LTK: variants seen among roughly 807,000 people sequenced by gnomAD.
LTK encodes the protein leukocyte receptor tyrosine kinase, also known as leukocyte tyrosine kinase receptor.
In LTK, 117 loss-of-function variants were observed where a neutral mutation model predicts 101.5. The observed-to-expected ratio is 1.15, with a 90% CI of 0.99 to 1.34. The LOEUF is 1.34. Ranked by LOEUF, LTK falls within the 40% of genes most tolerant of loss-of-function variation. LTK has a pLI of 0.00. For missense variants in LTK, 1,252 were observed against 1,164.7 expected (o/e 1.07, Z -1.09); for synonymous variants, 563 against 494.2 (o/e 1.14, Z -1.85).
chr15:41,505,323 G>A lies in LTK; in HGVS notation c.1828-18C>T, dbSNP rs778748270. 1.2e-6 allele frequency: 2 copies of A among 1,613,684 alleles called. No individual in the cohort carries two copies. The highest frequency in any genetic ancestry group is 1.7e-6 in the Non-Finnish European group (2 of 1,179,730). ...GGCTGGCCCTGGGTCAGGCAGAGGG[G>A]GCATCAGTCCATGTAGGTCTCAGAC... On this transcript the variant is annotated intron_variant, in intron 14 of 19. Coordinates refer to ENST00000263800, the MANE Select transcript of LTK (RefSeq NM_002344.6).
chr15:41,504,355 T>C lies in LTK; in HGVS notation c.2333A>G (p.Gln778Arg), dbSNP rs1413345009. Residue 778 changes from glutamine to arginine, a missense_variant, in exon 19 of 20, where the codon CAG (glutamine) becomes CGG (arginine). Transcript: ENST00000263800. Reference protein sequence around the residue: ...PSFASILERLQYCTQDPDVLN... With the variant: ...PSFASILERLRYCTQDPDVLN... ...TCGGGGGCACACCTGAGTGCAGTAC[T>C]GCAGACGCTCCAAGATGCTGGCAAA... 1.4e-5 allele frequency: 22 copies of C among 1,614,006 alleles called. No individual in the cohort carries two copies. In the Admixed American group the frequency reaches 2.8e-4, roughly 21 times the overall value.
Position 41,511,974 on chromosome 15 carries a change from CG to C in LTK, c.511-12del. 3 of 1,465,916 alleles carry C rather than the reference CG, an allele frequency of 2.0e-6. No individual in the cohort carries two copies. The highest frequency in any genetic ancestry group is 2.7e-6 in the Non-Finnish European group (3 of 1,118,886). The allele number at this position is 1,465,916 out of a possible 1,614,324, so 90.8% of individuals were successfully genotyped here. A position where few individuals can be genotyped will look rare whatever the true frequency, so the allele number is the denominator to read the frequency against. On this transcript the variant is annotated splice_polypyrimidine_tract_variant and intron_variant, in intron 4 of 19. Coordinates refer to ENST00000263800, the MANE Select transcript of LTK (RefSeq NM_002344.6). This position sits in a 1 kb window ranked among gnomAD's most constrained non-coding sequence, Gnocchi z 5.9. ...GCTCTCCGGGCTACCCTGCGGGCAGCGGGGGAGGGAATCGGCGGGGCCCGGG... is the reference window on the plus strand; with the variant it reads ...GCTCTCCGGGCTACCCTGCGGGCAGCGGGGAGGGAATCGGCGGGGCCCGGG...
At chr15:41,512,515 C>T (rs1308113041) in intron 3 of LTK, among the ~76,000 whole-genome samples, 192 bp downstream of exon 3, 1 of 152,186 alleles carries the variant, frequency 6.6e-6, no homozygotes. Context: ...TGGGGGCCTT[C>T]CGCTCGGTGT....
rs1413570994 is a variant in LTK at position 41,507,180 on chromosome 15, A to C, written c.1456T>G (p.Cys486Gly). The part of the protein sequence containing the change: ...AIRTAPNPYY[C>G]QVGLGPAQSW... Reference sequence around the variant, plus strand: ...TGGGCCGGGCCAAGCCCCACCTGGCAATAATAGGGATTGGGGGCTGTCCTG... The same window carrying C: ...TGGGCCGGGCCAAGCCCCACCTGGCCATAATAGGGATTGGGGGCTGTCCTG... Residue 486 changes from cysteine (C) to glycine (G), a missense_variant, in exon 11 of 20, where the codon TGC becomes GGC. Coordinates refer to ENST00000263800, the MANE Select transcript of LTK (RefSeq NM_002344.6). 2 of 1,613,668 alleles carry C rather than the reference A, an allele frequency of 1.2e-6. No individual in the cohort carries two copies. The highest frequency in any genetic ancestry group is 1.1e-5 in the South Asian group (1 of 91,058).
chr15:41,513,222 C>A, intron 1 of LTK, 102 bp from the exon 2 acceptor site: 1 of 1,370,728 alleles, frequency 7.3e-7, no homozygotes. Context: ...GTCGCGGCCA[C>A]ACCCGTCACC....
At chr15:41,505,663 C>T in intron 13 of LTK, 50 bp downstream of exon 13, 2 of 1,610,058 alleles carry the variant, frequency 1.2e-6, no homozygotes, top group African/African-American at 1.3e-5. Flanking sequence ...GAAACTGTTC[C>T]CGGGCATTCC....
intron 7 of LTK, among the ~76,000 whole-genome samples, chr15:41,509,952 C>T (rs1413445118): frequency 6.6e-6 from 1 of 152,158 alleles, no homozygotes; most frequent in Non-Finnish European, 1.5e-5. Flanking sequence ...ATATACACCA[C>T]CTCACATGCT....
Position 41,512,206 on chromosome 15 carries a change from T to TG in LTK, c.418dup (p.His140ProfsTer33). ...GAAGATTGCTGAGACGAAGACGCCA[T>TG]GCGCCCGCGACAGGTGGTTCTTGGC... On this transcript the variant is annotated frameshift_variant, in exon 4 of 20. Coordinates refer to ENST00000263800, the MANE Select transcript of LTK (RefSeq NM_002344.6). LOFTEE classifies it high-confidence loss of function. 2 of 1,612,858 alleles carry TG rather than the reference T, an allele frequency of 1.2e-6. No individual in the cohort carries two copies. Among genetic ancestry groups the TG allele is most frequent in the Non-Finnish European group, 1.7e-6 (2 of 1,179,796 alleles).
intron 1 of LTK, 72 bp from the exon 2 acceptor site, chr15:41,513,192 C>T: frequency 6.7e-7 from 1 of 1,488,488 alleles, no homozygotes; most frequent in Admixed American, 2.6e-5. Flanking sequence ...AGAGAGAACC[C>T]CGCAACAGCT....
chr15:41,507,146 G>A lies in LTK; in HGVS notation c.1490C>T (p.Pro497Leu). ...QVGLGPAQSW[P>L]LPPGVTEVSP... ...AACCTCGGTGACACCTGGTGGCAGAGGCCAGGACTGGGCCGGGCCAAGCCC... is the reference window on the plus strand; with the variant it reads ...AACCTCGGTGACACCTGGTGGCAGAAGCCAGGACTGGGCCGGGCCAAGCCC... The change falls in exon 11 of 20, where the codon CCT becomes CTT. Residue 497 changes from proline to leucine, a missense_variant. Transcript: ENST00000263800. 1 of 1,613,692 alleles carries A rather than the reference G, an allele frequency of 6.2e-7. No individual in the cohort carries two copies.
At chr15:41,510,973 C>A (rs2140726807) in intron 7 of LTK, among the ~76,000 whole-genome samples, 191 bp downstream of exon 7, 1 of 152,328 alleles carries the variant, frequency 6.6e-6, no homozygotes, top group Non-Finnish European at 1.5e-5. Context: ...TCTAGGGAGT[C>A]CTGTCTGCAT....
Position 41,511,291 on chromosome 15 carries a change from C to T in LTK, c.870G>A (p.Leu290=), listed in dbSNP as rs2051450412. The T allele has an allele frequency of 7.2e-6, 10 of 1,396,322 alleles. No homozygotes were observed. The highest frequency in any genetic ancestry group is 9.2e-6 in the Non-Finnish European group (10 of 1,082,048). 86.5% of individuals were successfully genotyped at this position (1,396,322 alleles called of 1,614,324 possible). A position where few individuals can be genotyped will look rare whatever the true frequency, so the allele number is the denominator to read the frequency against. The change falls in exon 7 of 20, where the codon CTG becomes CTA. Residue 290 remains leucine, a synonymous_variant. Coordinates refer to ENST00000263800, the MANE Select transcript of LTK (RefSeq NM_002344.6). The surrounding 1 kb of genome is among the most constrained non-coding windows in gnomAD (Gnocchi z 5.9). The part of the protein sequence containing the change: ...RAPSPQAGRS[L]QEGAEGGQGC... ...CCTGGCCGCCCTCCGCCCCCTCCTG[C>T]AGTGAGCGGCCGGCCTGCGGAGAGG...
intron 7 of LTK, among the ~76,000 whole-genome samples, chr15:41,509,395 G>C (rs1382537863): frequency 6.6e-6 from 1 of 152,134 alleles, no homozygotes; most frequent in East Asian, 1.9e-4. Flanking sequence ...TGAGAATGTA[G>C]ATCATGTGTG....
Position 41,511,257 on chromosome 15 carries a change from C to G in LTK, c.904G>C (p.Glu302Gln). The part of the protein sequence containing the change: ...EGAEGGQGCS[E>Q]AWATLGWAAA... ...GCCCAGCCAAGGGTCGCCCAAGCCT[C>G]GGAGCAGCCCTGGCCGCCCTCCGCC... is the stretch of plus-strand genomic sequence containing the variant. Residue 302 changes from glutamate (E) to glutamine (Q), a missense_variant, in exon 7 of 20, where the codon GAG (glutamate) becomes CAG (glutamine). Physicochemically the swap from Glu to Gln is conservative, Grantham distance 29 (BLOSUM62 2). Coordinates refer to ENST00000263800, the MANE Select transcript of LTK (RefSeq NM_002344.6). The surrounding 1 kb of genome is among the most constrained non-coding windows in gnomAD (Gnocchi z 5.9). 1 of 1,423,240 alleles carries G rather than the reference C, an allele frequency of 7.0e-7. No homozygotes were observed. Among genetic ancestry groups the G allele is most frequent in the Non-Finnish European group, 9.2e-7 (1 of 1,092,472 alleles). The allele number at this position is 1,423,240 out of a possible 1,614,324, so 88.2% of individuals were successfully genotyped here. A position where few individuals can be genotyped will look rare whatever the true frequency, so the allele number is the denominator to read the frequency against.
At chr15:41,504,939 A>T in intron 16 of LTK, 33 bp downstream of exon 16, 1 of 1,599,494 alleles carries the variant, frequency 6.3e-7, no homozygotes, top group South Asian at 1.1e-5. Flanking sequence ...ACCCCCTTGG[A>T]GCAAGAGCCT....
intron 13 of LTK, 58 bp downstream of exon 13, chr15:41,505,655 A>G: frequency 6.2e-7 from 1 of 1,609,570 alleles, no homozygotes; most frequent in Non-Finnish European, 8.5e-7. Flanking sequence ...GGTGAAGAGA[A>G]ACTGTTCCCG....
intron 1 of LTK, 150 bp from the exon 2 acceptor site, chr15:41,513,270 G>A: frequency 2.0e-6 from 2 of 981,048 alleles, no homozygotes; most frequent in South Asian, 3.3e-5. Flanking sequence ...GCCACTACCC[G>A]ACTCCGGTCG....
Position 41,513,676 on chromosome 15 carries a change from C to T in LTK, c.34G>A (p.Gly12Arg), listed in dbSNP as rs755663662. The change falls in exon 1 of 20, where the codon GGA becomes AGA. Residue 12 changes from glycine (G) to arginine (R), a missense_variant. Gly to Arg is a moderately radical substitution (Grantham distance 125, BLOSUM62 -2). Transcript: ENST00000263800. ...GCCAGATAGCACTTACCCGCGGCTCCGAACCACACCAGCAGCTGTCCCCAG... is the reference window on the plus strand; with the variant it reads ...GCCAGATAGCACTTACCCGCGGCTCTGAACCACACCAGCAGCTGTCCCCAG... ...GCWGQLLVWFGAAGAILCSSP... is the reference protein window; with the variant it reads ...GCWGQLLVWFRAAGAILCSSP... 6.2e-7 allele frequency: 1 copy of T among 1,613,492 alleles called. No individual in the cohort carries two copies. The highest frequency in any genetic ancestry group is 8.5e-7 in the Non-Finnish European group (1 of 1,179,960).
intron 3 of LTK, 149 bp from the exon 4 acceptor site, chr15:41,512,414 T>G (rs2140734759): frequency 1.1e-6 from 1 of 936,808 alleles, no homozygotes; most frequent in Middle Eastern, 3.3e-4. Flanking sequence ...GAAGGGTAGG[T>G]TTGCACACCG....
Sources: allele counts gnomAD v4.1 joint callset (sites outside exome capture counted in the v4.1 genomes callset), GRCh38; gene constraint gnomAD v4.1.1; non-coding constraint Gnocchi (gnomAD v3.1); transcripts MANE v1.5; gene names NCBI Gene and HGNC (gene_info 2026-07-23, HGNC 2026-07-21).